The following SNRPN variants were observed in gnomAD, a reference collection of about 807,000 sequenced individuals.
SNRPN encodes small nuclear ribonucleoprotein-associated protein N.
Under a neutral mutation model 25.2 loss-of-function variants are expected in SNRPN, and 7 were observed. The ratio of observed to expected loss-of-function variants is 0.28; its 90% CI spans 0.16 to 0.52. The LOEUF is 0.52. SNRPN is among the 20% of genes least tolerant of loss of function. The pLI, the probability that SNRPN is intolerant of heterozygous loss-of-function variation, is 0.96. For missense variants in SNRPN, 196 were observed against 322.5 expected (o/e 0.61, Z 3.00); for synonymous variants, 124 against 110.6 (o/e 1.12, Z -0.76).
chr15:24,844,018 A>G (rs1386037478), intron 2 of SNRPN, among the ~76,000 whole-genome samples: 1 of 151,946 alleles, frequency 6.6e-6, no homozygotes, highest in Non-Finnish European at 1.5e-5. Flanking sequence ...AACTGCCAAA[A>G]TGTTTTCCAA....
intron 3 of SNRPN, among the ~76,000 whole-genome samples, chr15:24,923,971 C>T (rs1278258452): frequency 1.5e-5 from 2 of 133,852 alleles, no homozygotes; most frequent in Non-Finnish European, 3.1e-5. Context: ...CACTCTGTCA[C>T]CCAGGCTGGA....
At chr15:24,965,365 T>G (rs2075456190) in intron 2 of SNRPN, among the ~76,000 whole-genome samples, 1 of 151,944 alleles carries the variant, frequency 6.6e-6, no homozygotes, top group South Asian at 2.1e-4. Flanking sequence ...TGGTGAAACC[T>G]CATCTCTAGA....
chr15:24,931,237 A>C (rs1474824113), intron 3 of SNRPN, among the ~76,000 whole-genome samples: 1 of 152,178 alleles, frequency 6.6e-6, no homozygotes, highest in Non-Finnish European at 1.5e-5. Flanking sequence ...TGTCTGTATT[A>C]ATAATGCTGC....
chr15:24,962,034 T>C (rs1022631638), intron 1 of SNRPN, 80 bp from the exon 2 acceptor site: 6 of 1,158,936 alleles, frequency 5.2e-6, no homozygotes, highest in African/African-American at 1.5e-5. Context: ...TTAAATGTAG[T>C]TCTAAATATA....
At chr15:24,948,952 C>T (rs889761136) in intron 3 of SNRPN, among the ~76,000 whole-genome samples, 2 of 151,050 alleles carry the variant, frequency 1.3e-5, no homozygotes, top group African/African-American at 2.4e-5. Flanking sequence ...TCCTTTCACT[C>T]CTCTCCCATC....
At chr15:24,955,168 T>C (rs1168668066) in intron 1 of SNRPN, 106 bp downstream of exon 1, 31 of 1,483,628 alleles carry the variant, frequency 2.1e-5, no homozygotes, top group Non-Finnish European at 2.9e-5. Context: ...ATAAACGGAA[T>C]TTGGGCCCTA....
At chr15:24,927,168 T>G (rs186779337) in intron 3 of SNRPN, among the ~76,000 whole-genome samples, 1 of 151,984 alleles carries the variant, frequency 6.6e-6, no homozygotes, top group Non-Finnish European at 1.5e-5. Flanking sequence ...TCACCCAGGC[T>G]GGGGTGCAAT....
rs140475770 is a variant in SNRPN at position 24,840,230 on chromosome 15, C to T, written c.-579+10325C>T. Among the ~76,000 whole-genome samples the T allele has an allele frequency of 5.8e-3, 881 of 152,156 alleles. 7 individuals are homozygous for T. The highest frequency in any genetic ancestry group is 0.02 in the African/African-American group (851 of 41,520). ...AAAATTAGCCGGACATGGTGGCATG[C>T]GCCTGTAATCCCAGCTATTCAGGAG... On this transcript the variant is annotated intron_variant, in intron 2 of 12. Transcript: ENST00000400100.
At chr15:24,849,850 TTA>T (rs959313111) in intron 2 of SNRPN, 55 of 152,226 alleles carry the variant, frequency 3.6e-4, no homozygotes, top group African/African-American at 1.3e-3. Flanking sequence ...TTGCCTTATT[TTA>T]TACTTATTGA....
intron 2 of SNRPN, among the ~76,000 whole-genome samples, chr15:24,897,414 C>G (rs2058140942): frequency 6.6e-6 from 1 of 152,126 alleles, no homozygotes; most frequent in Non-Finnish European, 1.5e-5. Context: ...GTAGCAAGAC[C>G]CTGTCTCTAC....
At chr15:24,886,182 T>C (rs1424957045) in intron 1 of SNRPN, among the ~76,000 whole-genome samples, 1 of 152,192 alleles carries the variant, frequency 6.6e-6, no homozygotes, top group Non-Finnish European at 1.5e-5. Flanking sequence ...TCACCTTCTA[T>C]ATCTTATCAG....
At chr15:24,829,216 A>G (rs900951237) in intron 1 of SNRPN, among the ~76,000 whole-genome samples, 1 of 152,096 alleles carries the variant, frequency 6.6e-6, no homozygotes, top group Non-Finnish European at 1.5e-5. Flanking sequence ...TTAAAGGCCA[A>G]TGGGGATTCA....
intron 3 of SNRPN, among the ~76,000 whole-genome samples, chr15:24,945,094 A>G (rs565659756): frequency 4.2e-4 from 64 of 152,288 alleles, no homozygotes; most frequent in Admixed American, 7.2e-4. Context: ...CCATTGACAC[A>G]TAAGATCACT....
intron 2 of SNRPN, among the ~76,000 whole-genome samples, chr15:24,890,538 G>A (rs1024237353): frequency 6.6e-6 from 1 of 152,092 alleles, no homozygotes; most frequent in African/African-American, 2.4e-5. Context: ...AACTAGCTGG[G>A]TGTGGTGGCA....
chr15:24,909,390 A>T, intron 2 of SNRPN: 1 of 1,599,676 alleles, frequency 6.3e-7, no homozygotes, highest in Admixed American at 1.7e-5. Flanking sequence ...GCATCCAAAT[A>T]GCAGGTAAAG....
chr15:24,873,340 T>C lies in SNRPN; in HGVS notation c.-578-13176T>C, dbSNP rs1242246720. ...CTTTTGTTTTTGTTTCTTTTTTTTT[T>C]TTTTGAAACGGAGTATTGCTCAGTC... On this transcript the variant is annotated intron_variant, in intron 1 of 11. Transcript: ENST00000400097. Among the ~76,000 whole-genome samples, 2 of 118,982 alleles carry C rather than the reference T, an allele frequency of 1.7e-5. 1 individual carries two copies. Among genetic ancestry groups the C allele is most frequent in the Non-Finnish European group, 3.7e-5 (2 of 54,740 alleles). 78.1% of individuals were successfully genotyped at this position (118,982 alleles called of 152,430 possible).
At position 24,929,910 on chromosome 15, in the gene SNRPN, A is replaced by T. The variant is rs183698084; in HGVS notation, c.-391+9786A>T. ...ATTATGTATCAATAAAAAAATGGCC[A>T]GGCACGGTGGCTCACACCTATAATC... is the stretch of plus-strand genomic sequence containing the variant. On this transcript the variant is annotated intron_variant, in intron 3 of 11. Coordinates refer to the SNRPN transcript ENST00000400097. The surrounding 1 kb of genome is among the most constrained non-coding windows in gnomAD (Gnocchi z 5.3). 1.3e-5 allele frequency among the ~76,000 whole-genome samples: 2 copies of T among 152,130 alleles called. No individual in the cohort carries two copies. Among genetic ancestry groups the T allele is most frequent in the Non-Finnish European group, 2.9e-5 (2 of 68,028 alleles).
intron 1 of SNRPN, among the ~76,000 whole-genome samples, chr15:24,874,767 A>C (rs1422653264): frequency 1.3e-5 from 2 of 152,174 alleles, no homozygotes; most frequent in African/African-American, 4.8e-5. Flanking sequence ...CTGTCAAGAA[A>C]TGTGATGTCA....
At chr15:24,861,604 G>T (rs2053987854) in intron 1 of SNRPN, among the ~76,000 whole-genome samples, 1 of 152,212 alleles carries the variant, frequency 6.6e-6, no homozygotes, top group East Asian at 1.9e-4. Flanking sequence ...AAAAACTAAA[G>T]TAATTGTGCT....
Sources: gnomAD v4.1 joint callset for allele counts (sites outside exome capture counted in the v4.1 genomes callset) on GRCh38, gnomAD v4.1.1 for gene constraint, Gnocchi (gnomAD v3.1) non-coding constraint, MANE v1.5 for transcripts, NCBI Gene and HGNC (gene_info 2026-07-23, HGNC 2026-07-21) for gene names.